Variants in MARCHF1 observed in about 807,000 individuals in gnomAD.
MARCHF1 encodes membrane associated ring-CH-type finger 1.
MARCHF1 carries 40 observed loss-of-function variants against 54.2 expected under a neutral mutation model. The ratio of observed to expected loss-of-function variants is 0.74; its 90% confidence interval spans 0.57 to 0.96. The LOEUF is 0.96. Ranked by LOEUF, MARCHF1 falls within the 40% of genes least tolerant of loss-of-function variation. MARCHF1 has a pLI of 0.00. For synonymous variants in MARCHF1, 236 were observed against 236.3 expected (o/e 1.00, Z 0.01); for missense variants, 586 against 656.5 (o/e 0.89, Z 1.17).
At chr4:164,256,671 A>C (rs1733296810) in intron 1 of MARCHF1, among the ~76,000 whole-genome samples, 1 of 152,156 alleles carries the variant, frequency 6.6e-6, no homozygotes, top group Non-Finnish European at 1.5e-5. Flanking sequence ...TATTATAAAA[A>C]TAATTTTGAC....
chr4:164,284,282 C>T (rs1734091276), intron 1 of MARCHF1, among the ~76,000 whole-genome samples: 1 of 149,720 alleles, frequency 6.7e-6, no homozygotes, highest in Non-Finnish European at 1.5e-5. Context: ...GGAGGAGGCT[C>T]AACTTGTTTT....
chr4:163,707,397 G>A (rs938931405), intron 4 of MARCHF1, among the ~76,000 whole-genome samples: 2 of 151,956 alleles, frequency 1.3e-5, no homozygotes. Flanking sequence ...AAACAAATGA[G>A]CAAGAGATAG....
At chr4:164,036,928 A>G (rs182877090) in intron 2 of MARCHF1, among the ~76,000 whole-genome samples, 42 of 152,340 alleles carry the variant, frequency 2.8e-4, no homozygotes, top group African/African-American at 1.0e-3. Flanking sequence ...GTAAACAGAT[A>G]TCTCAGACCA....
chr4:163,920,325 T>TCC, intron 3 of MARCHF1, among the ~76,000 whole-genome samples: 1 of 152,356 alleles, frequency 6.6e-6, no homozygotes, highest in South Asian at 2.1e-4. Context: ...GTTCACCTTC[T>TCC]TGCAAGAATT....
At chr4:163,618,823 G>T (rs936060258) in intron 5 of MARCHF1, among the ~76,000 whole-genome samples, 1 of 152,160 alleles carries the variant, frequency 6.6e-6, no homozygotes, top group African/African-American at 2.4e-5. Flanking sequence ...AGATTTAGAT[G>T]AACTGGCAAT....
chr4:164,071,268 A>G (rs1199132768), intron 2 of MARCHF1, among the ~76,000 whole-genome samples: 1 of 152,218 alleles, frequency 6.6e-6, no homozygotes, highest in Non-Finnish European at 1.5e-5. Context: ...AAACCATGAC[A>G]GTATTCTTGA....
In MARCHF1 at chr4:163,733,242, CACGTGTATATATATAT is replaced by C. The variant is rs1561047184; in HGVS notation, c.112-32395_112-32380del. On this transcript the variant is annotated intron_variant, in intron 4 of 9. Transcript: ENST00000514618. Reference sequence around the variant, plus strand: ...ATATACACGTGTATATATATATATACACGTGTATATATATATACACACACACACACACACAGACACA... The same window carrying C: ...ATATACACGTGTATATATATATATACACACACACACACACACACAGACACA... Among the ~76,000 whole-genome samples, 41 of 37,370 alleles carry C rather than the reference CACGTGTATATATATAT, an allele frequency of 1.1e-3. 6 individuals carry two copies. The highest frequency in any genetic ancestry group is 3.1e-3 in the African/African-American group (28 of 8,902). The allele number at this position is 37,370 out of a possible 152,430, so 24.5% of individuals were successfully genotyped here. A position where few individuals can be genotyped will look rare whatever the true frequency, so the allele number is the denominator to read the frequency against.
At chr4:164,145,276 T>G (rs1426402109) in intron 1 of MARCHF1, among the ~76,000 whole-genome samples, 3 of 152,168 alleles carry the variant, frequency 2.0e-5, no homozygotes, top group Non-Finnish European at 4.4e-5. Context: ...CTTCTGAAAC[T>G]ATTCCAATCA....
Position 163,854,081 on chromosome 4 carries a change from G to A in MARCHF1, c.51C>T (p.Asn17=). 3 of 1,536,886 alleles carry A rather than the reference G, an allele frequency of 2.0e-6. No homozygotes were observed. The highest frequency in any genetic ancestry group is 2.6e-6 in the Non-Finnish European group (3 of 1,146,676). Residue 17 remains asparagine, a synonymous_variant, in exon 4 of 10, where the codon AAC becomes AAT. Coordinates refer to ENST00000514618, the MANE Select transcript of MARCHF1 (RefSeq NM_001394959.1). ...CTGAGATCTCGGGTGTTCGCGTGTT[G>A]TTTGGAATTCTGTGAGGGTTACGGG... is the stretch of plus-strand genomic sequence containing the variant. ...AIARNPHRIP[N]NTRTPEISGD... is the part of the protein sequence containing the mutation.
intron 8 of MARCHF1, among the ~76,000 whole-genome samples, chr4:163,549,615 T>C (rs754651201): frequency 2.0e-5 from 3 of 152,130 alleles, no homozygotes; most frequent in Non-Finnish European, 2.9e-5. Context: ...TAGGTAGTCT[T>C]GAACCTCGCT....
At chr4:163,851,779 ATAAT>A (rs1459746270) in intron 4 of MARCHF1, among the ~76,000 whole-genome samples, 1 of 152,220 alleles carries the variant, frequency 6.6e-6, no homozygotes, top group Admixed American at 6.5e-5. Context: ...AGGTTGCTCC[ATAAT>A]GGCCCATGCT....
At chr4:163,838,251 A>G (rs367791051) in intron 4 of MARCHF1, among the ~76,000 whole-genome samples, 2 of 152,174 alleles carry the variant, frequency 1.3e-5, no homozygotes, top group Non-Finnish European at 2.9e-5. Flanking sequence ...GTATTTGCAT[A>G]TAACCTATGC....
At chr4:164,258,700 C>G (rs1189862989) in intron 1 of MARCHF1, among the ~76,000 whole-genome samples, 1 of 151,996 alleles carries the variant, frequency 6.6e-6, no homozygotes, top group East Asian at 1.9e-4. Context: ...TTTTGGGTAT[C>G]AAAATAAAGT....
chr4:164,375,897 G>C (rs1731178484), intron 1 of MARCHF1, among the ~76,000 whole-genome samples: 2 of 152,052 alleles, frequency 1.3e-5, no homozygotes, highest in Non-Finnish European at 2.9e-5. Flanking sequence ...TCCTTCAGAT[G>C]TCAGGTAAAA....
chr4:163,607,506 A>C (rs1413829785), intron 7 of MARCHF1, among the ~76,000 whole-genome samples: 1 of 152,084 alleles, frequency 6.6e-6, no homozygotes, highest in Non-Finnish European at 1.5e-5. Context: ...GCAATAACCA[A>C]ACCATGACAT....
chr4:163,703,500 G>A (rs1744865977), intron 4 of MARCHF1, among the ~76,000 whole-genome samples: 1 of 151,974 alleles, frequency 6.6e-6, no homozygotes. Context: ...AGTCAATATG[G>A]TTGTCATACC....
At position 163,975,684 on chromosome 4, in the gene MARCHF1, A is replaced by G. The variant is rs180831711; in HGVS notation, c.-39+12817T>C. On this transcript the variant is annotated intron_variant, in intron 3 of 9. Coordinates refer to ENST00000514618, the MANE Select transcript of MARCHF1 (RefSeq NM_001394959.1). ...AGTGATGCCTTATAAACCCTTTCAA[A>G]GAAACAAAGCCTTGTAAGGATCTTA... Among the ~76,000 whole-genome samples the G allele has an allele frequency of 2.6e-4, 40 of 152,320 alleles. No homozygotes were observed. The East Asian group carries it at 3.3e-3, about 12-fold the overall frequency.
At chr4:163,756,755 G>A (rs1268887608) in intron 4 of MARCHF1, among the ~76,000 whole-genome samples, 2 of 150,768 alleles carry the variant, frequency 1.3e-5, no homozygotes, top group Non-Finnish European at 3.0e-5. Context: ...AAATTTGAAT[G>A]AAATGTTTTA....
intron 3 of MARCHF1, among the ~76,000 whole-genome samples, chr4:163,977,801 T>C (rs964041746): frequency 6.6e-6 from 1 of 152,196 alleles, no homozygotes. Context: ...CACTCAGATA[T>C]TCACAAAATA....
Sources: allele counts gnomAD v4.1 joint callset (sites outside exome capture counted in the v4.1 genomes callset), GRCh38; gene constraint gnomAD v4.1.1; transcripts MANE v1.5; gene names NCBI Gene and HGNC (gene_info 2026-07-23, HGNC 2026-07-21).